Variants in LDAF1 observed in about 807,000 individuals in gnomAD.
LDAF1 encodes PROMETHIN.
Under a neutral mutation model 13.5 loss-of-function variants are expected in LDAF1, and 7 were observed. The observed-to-expected ratio is 0.52, with a 90% CI of 0.29 to 0.97. The LOEUF is 0.97. LDAF1 is among the 50% of genes least tolerant of loss of function. LDAF1 has a pLI of 0.07. For missense variants in LDAF1, 148 were observed against 193.2 expected (o/e 0.77, Z 1.39); for synonymous variants, 69 against 77.1 (o/e 0.89, Z 0.55).
At position 21,180,002 on chromosome 16, in the gene LDAF1, C is replaced by G. The variant is rs2093169077; in HGVS notation, c.*446C>G. ...AAAATCCAAAACAGAACAAGCCCTT[C>G]TGTGGTATTTGCTTTTTATCAGAAA... On this transcript the variant is annotated 3_prime_UTR_variant, in exon 5 of 5. Transcript: ENST00000233047. The G allele has an allele frequency of 6.4e-6, 1 of 156,384 alleles. No individual in the cohort carries two copies. Among genetic ancestry groups the G allele is most frequent in the East Asian group, 1.9e-4 (1 of 5,216 alleles). 9.7% of individuals were successfully genotyped at this position (156,384 alleles called of 1,614,324 possible).
At chr16:21,169,600 C>T (rs1422752114) in intron 2 of LDAF1, among the ~76,000 whole-genome samples, 6 of 152,206 alleles carry the variant, frequency 3.9e-5, no homozygotes, top group African/African-American at 1.2e-4. Flanking sequence ...TGAGCCACCA[C>T]GCCCAGCCAG....
chr16:21,168,584 TATATA>T (rs2152845369), intron 2 of LDAF1, among the ~76,000 whole-genome samples: 1 of 143,494 alleles, frequency 7.0e-6, no homozygotes, highest in African/African-American at 2.5e-5. Flanking sequence ...ATAATATATT[TATATA>T]ATATATAATA....
In LDAF1 at chr16:21,167,594, G is replaced by A. The variant is rs536464238; in HGVS notation, c.97-2843G>A. ...TAAACTTGCATTAGTCACAGGCTGT[G>A]GCCAACTATGGTAACCAGGTTGATG... On this transcript the variant is annotated intron_variant, in intron 2 of 4. Transcript: ENST00000233047. Among the ~76,000 whole-genome samples the A allele has an allele frequency of 9.9e-5, 15 of 151,948 alleles. 1 individual carries two copies. The highest frequency in any genetic ancestry group is 3.4e-3 in the Middle Eastern group (1 of 294).
intron 2 of LDAF1, among the ~76,000 whole-genome samples, chr16:21,167,446 G>A (rs928615897): frequency 1.3e-5 from 2 of 152,226 alleles, no homozygotes; most frequent in Non-Finnish European, 2.9e-5. Flanking sequence ...AAGGAGGAGA[G>A]GGGGAAACCC....
rs778195256 is a variant in LDAF1 at position 21,174,186 on chromosome 16, C to G, written c.404+38C>G. 3 of 1,577,192 alleles carry G rather than the reference C, an allele frequency of 1.9e-6. No individual in the cohort carries two copies. In the East Asian group the frequency reaches 6.9e-5, roughly 36 times the overall value. On this transcript the variant is annotated intron_variant, in intron 4 of 4. Coordinates refer to ENST00000233047, the MANE Select transcript of LDAF1 (RefSeq NM_001301771.2). Reference sequence around the variant, plus strand: ...CCATGAAATAATTTATTTTTTTAATCTTTCTACTTTTTTGTTTTTTTGAGA... The same window carrying G: ...CCATGAAATAATTTATTTTTTTAATGTTTCTACTTTTTTGTTTTTTTGAGA...
At chr16:21,161,947 C>T (rs2092979498) in intron 2 of LDAF1, among the ~76,000 whole-genome samples, 1 of 152,086 alleles carries the variant, frequency 6.6e-6, no homozygotes, top group Non-Finnish European at 1.5e-5. Context: ...CACTTGAGAT[C>T]AGAAGTTCGA....
At chr16:21,169,114 AATG>A in intron 2 of LDAF1, 1 of 930,744 alleles carries the variant, frequency 1.1e-6, no homozygotes, top group South Asian at 4.9e-5. Flanking sequence ...TAATAATAAT[AATG>A]CTTTTAATGC....
At chr16:21,164,821 C>G (rs1378216185) in intron 2 of LDAF1, among the ~76,000 whole-genome samples, 1 of 152,184 alleles carries the variant, frequency 6.6e-6, no homozygotes, top group Admixed American at 6.5e-5. Context: ...CATTGCATCC[C>G]CCTCTGTTGC....
At chr16:21,159,266 C>T (rs558071352) in intron 1 of LDAF1, 4 of 1,412,766 alleles carry the variant, frequency 2.8e-6, no homozygotes, top group South Asian at 2.3e-5. Flanking sequence ...TACTCGACTC[C>T]CCTCTGAGTT....
chr16:21,159,255 G>C lies in LDAF1; in HGVS notation c.-99+509G>C, dbSNP rs1373552473. ...TCTTTACCCCCAAATTAATAACTAA[G>C]TACTCGACTCCCCTCTGAGTTCCCA... On this transcript the variant is annotated intron_variant, in intron 1 of 4. Transcript: ENST00000233047. The C allele has an allele frequency of 2.3e-6, 3 of 1,324,806 alleles. No individual in the cohort carries two copies. The African/African-American group carries it at 4.3e-5, about 19-fold the overall frequency. 82.1% of individuals were successfully genotyped at this position (1,324,806 alleles called of 1,614,324 possible).
intron 3 of LDAF1, chr16:21,172,769 G>C (rs1013280057): frequency 1.1e-6 from 1 of 921,844 alleles, no homozygotes; most frequent in Non-Finnish European, 1.3e-6. Context: ...GCAGGTGGTT[G>C]GCACCACACT....
rs373626016 is a variant in LDAF1 at position 21,174,086 on chromosome 16, G to A, written c.342G>A (p.Ser114=). The change falls in exon 4 of 5, where the codon TCG becomes TCA. Residue 114 remains serine, a synonymous_variant. Transcript: ENST00000233047. ...CGLGFVSLAM[S]GMMIASYVVV... ...TGGGCTTCGTATCACTCGCCATGTC[G>A]GGGATGATGATAGCATCTTATGTAG... 1.3e-5 allele frequency: 21 copies of A among 1,613,892 alleles called. No individual in the cohort carries two copies. Among genetic ancestry groups the A allele is most frequent in the African/African-American group, 2.7e-5 (2 of 74,878 alleles).
Position 21,166,752 on chromosome 16 carries a change from A to G in LDAF1, c.97-3685A>G. The G allele has an allele frequency of 2.7e-6, 3 of 1,096,610 alleles. No individual in the cohort carries two copies. The Admixed American group carries it at 6.1e-5, about 22-fold the overall frequency. 67.9% of individuals were successfully genotyped at this position (1,096,610 alleles called of 1,614,324 possible). On this transcript the variant is annotated intron_variant, in intron 2 of 4. Transcript: ENST00000233047. ...GGATGCATGTGGATTCGAACTGGAA[A>G]GAAGTCAGGACCTGAGACAGCGCAA...
intron 2 of LDAF1, among the ~76,000 whole-genome samples, chr16:21,163,745 A>G (rs879695572): frequency 3.9e-5 from 6 of 152,270 alleles, no homozygotes; most frequent in Non-Finnish European, 8.8e-5. Context: ...AATCATGAGT[A>G]ATAAGGATTG....
At chr16:21,159,239 C>T in intron 1 of LDAF1, 2 of 1,227,676 alleles carry the variant, frequency 1.6e-6, no homozygotes, top group Admixed American at 1.7e-5. Context: ...TTCTTTACCC[C>T]CAAATTAATA....
chr16:21,171,002 T>C (rs1182392745), intron 3 of LDAF1, among the ~76,000 whole-genome samples: 5 of 152,206 alleles, frequency 3.3e-5, no homozygotes, highest in African/African-American at 1.2e-4. Context: ...TTGTGAAGAT[T>C]GAAACTTATG....
At chr16:21,170,677 A>C in intron 3 of LDAF1, 72 bp downstream of exon 3, 1 of 1,592,978 alleles carries the variant, frequency 6.3e-7, no homozygotes, top group Non-Finnish European at 8.6e-7. Context: ...GGGCCATTTA[A>C]AAATTTTTTT....
intron 1 of LDAF1, among the ~76,000 whole-genome samples, chr16:21,160,444 G>A (rs1326790036): frequency 1.3e-5 from 2 of 152,090 alleles, no homozygotes; most frequent in Admixed American, 6.6e-5. Flanking sequence ...TCCTTAGCAG[G>A]GATAGACTTA....
rs1397747757 is a variant in LDAF1 at position 21,172,746 on chromosome 16, A to T, written c.266-1264A>T. 5 of 673,634 alleles carry T rather than the reference A, an allele frequency of 7.4e-6. No individual in the cohort carries two copies. The African/African-American group carries it at 9.8e-5, about 13-fold the overall frequency. 41.7% of individuals were successfully genotyped at this position (673,634 alleles called of 1,614,324 possible). On this transcript the variant is annotated intron_variant, in intron 3 of 4. Coordinates refer to ENST00000233047, the MANE Select transcript of LDAF1 (RefSeq NM_001301771.2). ...AATTTTTCACGAGCTTCCTTGATGC[A>T]CCTGATTCTGATGCAGGTGGTTGGC...
Sources: allele counts gnomAD v4.1 joint callset (sites outside exome capture counted in the v4.1 genomes callset), GRCh38; gene constraint gnomAD v4.1.1; transcripts MANE v1.5; gene names NCBI Gene and HGNC (gene_info 2026-07-23, HGNC 2026-07-21).